The following WWP2 variants were observed in gnomAD, a reference collection of about 807,000 sequenced individuals.
WWP2 encodes WW domain containing E3 ubiquitin protein ligase 2.
A neutral mutation model predicts 121.0 loss-of-function variants in WWP2; 57 were observed. The ratio of observed to expected loss-of-function variants is 0.47; its 90% CI spans 0.38 to 0.59. WWP2 has a LOEUF of 0.59. Among genes scored for constraint, WWP2 ranks in the 20% least tolerant of loss-of-function variants. The pLI, the probability that WWP2 is intolerant of heterozygous loss-of-function variation, is 0.00. For synonymous variants in WWP2, 449 were observed against 441.3 expected (o/e 1.02, Z -0.22); for missense variants, 962 against 1,158.9 (o/e 0.83, Z 2.47).
chr16:69,908,642 C>CATGTCATCTTTGATGCTTCCTGTAAATTT, intron 8 of WWP2, 119 bp from the exon 9 acceptor site: 1 of 1,535,830 alleles, frequency 6.5e-7, no homozygotes, highest in East Asian at 2.3e-5. Context: ...GTCGGCCTCG[C>CATGTCATCTTTGATGCTTCCTGTAAATTT]ATGTCATCTT....
At chr16:69,923,507 A>C (rs1334362605) in intron 10 of WWP2, among the ~76,000 whole-genome samples, 1 of 152,146 alleles carries the variant, frequency 6.6e-6, no homozygotes, top group Non-Finnish European at 1.5e-5. Context: ...CTGTCAGTAA[A>C]GACCTTTTTG....
At position 69,929,470 on chromosome 16, in the gene WWP2, G is replaced by C; in HGVS notation, c.1257G>C (p.Arg419=). 1 of 1,614,124 alleles carries C rather than the reference G, an allele frequency of 6.2e-7. No individual in the cohort carries two copies. Among genetic ancestry groups the C allele is most frequent in the Non-Finnish European group, 8.5e-7 (1 of 1,179,992 alleles). The part of the protein sequence containing the change: ...PGWEKRQDNG[R]VYYVNHNTRT... ...CAGAGAAGAGACAGGACAATGGACG[G>C]GTGTATTACGTGAACCATAACACTC... The change falls in exon 12 of 24, where the codon CGG becomes CGC. Residue 419 remains arginine (R), a synonymous_variant. Coordinates refer to ENST00000359154, the MANE Select transcript of WWP2 (RefSeq NM_001270454.2).
chr16:69,856,558 C>T (rs1415427998), intron 6 of WWP2, among the ~76,000 whole-genome samples: 2 of 152,086 alleles, frequency 1.3e-5, no homozygotes, highest in East Asian at 1.9e-4. Flanking sequence ...GGGTGGATCA[C>T]GAGGTCGGGA....
At chr16:69,920,432 A>G (rs146574979) in intron 10 of WWP2, among the ~76,000 whole-genome samples, 237 of 152,214 alleles carry the variant, frequency 1.6e-3, no homozygotes, top group African/African-American at 5.5e-3. Flanking sequence ...ACCACATTTC[A>G]GAGATTGCTC....
chr16:69,932,456 G>A (rs192541099), intron 16 of WWP2, among the ~76,000 whole-genome samples: 10 of 152,374 alleles, frequency 6.6e-5, no homozygotes, highest in South Asian at 4.1e-4. Context: ...GTCATGAGGC[G>A]ACGGAGGACT....
intron 4 of WWP2, among the ~76,000 whole-genome samples, chr16:69,803,212 C>T (rs1233855456): frequency 6.6e-6 from 1 of 150,748 alleles, no homozygotes; most frequent in East Asian, 1.9e-4. Context: ...GCTCTGATCT[C>T]CTGGCCTCTC....
chr16:69,877,620 A>G (rs1432565778), intron 7 of WWP2, among the ~76,000 whole-genome samples: 1 of 151,744 alleles, frequency 6.6e-6, no homozygotes, highest in African/African-American at 2.4e-5. Flanking sequence ...TTGGCTTTCA[A>G]CCCACCTTCC....
rs1478418674 is a variant in WWP2 at position 69,940,123 on chromosome 16, C to T, written c.*183C>T. 16 of 595,586 alleles carry T rather than the reference C, an allele frequency of 2.7e-5. No homozygotes were observed. The highest frequency in any genetic ancestry group is 3.9e-5 in the Non-Finnish European group (13 of 337,440). The allele number at this position is 595,586 out of a possible 1,614,324, so 36.9% of individuals were successfully genotyped here. On this transcript the variant is annotated 3_prime_UTR_variant, in exon 24 of 24. Transcript: ENST00000359154. ...AGGAGGCCCTGCAGTTCCCCCGACC[C>T]GCGGATGGCAGTCTGGAATAAAGCC...
intron 4 of WWP2, among the ~76,000 whole-genome samples, chr16:69,813,330 T>C (rs1367852210): frequency 6.6e-6 from 1 of 152,122 alleles, no homozygotes; most frequent in African/African-American, 2.4e-5. Flanking sequence ...ACCCAGCTAA[T>C]TTTATATTTT....
At chr16:69,769,114 C>G (rs1247115577) in intron 1 of WWP2, among the ~76,000 whole-genome samples, 1 of 152,018 alleles carries the variant, frequency 6.6e-6, no homozygotes, top group Non-Finnish European at 1.5e-5. Flanking sequence ...GTCAGGAGAT[C>G]GAGACCATCC....
At chr16:69,795,719 C>G (rs967524111) in intron 2 of WWP2, among the ~76,000 whole-genome samples, 1 of 121,652 alleles carries the variant, frequency 8.2e-6, no homozygotes, top group African/African-American at 3.2e-5. Flanking sequence ...GTGGTCTCAG[C>G]TCACTGTAGC....
At chr16:69,858,482 C>G (rs998329498) in intron 6 of WWP2, among the ~76,000 whole-genome samples, 2 of 152,166 alleles carry the variant, frequency 1.3e-5, no homozygotes, top group African/African-American at 4.8e-5. Context: ...TCCTGAGATG[C>G]GATAATTTGA....
chr16:69,861,979 G>A (rs574917595), intron 6 of WWP2, among the ~76,000 whole-genome samples: 7 of 152,176 alleles, frequency 4.6e-5, no homozygotes, highest in Admixed American at 1.3e-4. Context: ...CCGCTTACCC[G>A]GATTGGAATG....
chr16:69,888,932 C>T (rs1056283855), intron 8 of WWP2, among the ~76,000 whole-genome samples: 1 of 152,170 alleles, frequency 6.6e-6, no homozygotes, highest in Non-Finnish European at 1.5e-5. Context: ...TCTCGAACTC[C>T]TGACCTCACA....
chr16:69,871,024 A>G (rs2057625869), intron 6 of WWP2, among the ~76,000 whole-genome samples: 1 of 152,072 alleles, frequency 6.6e-6, no homozygotes, highest in African/African-American at 2.4e-5. Flanking sequence ...AGTGGCTCAT[A>G]CTTGTAATCC....
chr16:69,767,591 A>G (rs912123632), intron 1 of WWP2, among the ~76,000 whole-genome samples: 15 of 152,232 alleles, frequency 9.9e-5, no homozygotes, highest in Admixed American at 2.6e-4. Flanking sequence ...ACACGTTGCA[A>G]GAAAGCAATG....
At chr16:69,803,101 C>CT (rs929436117) in intron 4 of WWP2, among the ~76,000 whole-genome samples, 9 of 150,120 alleles carry the variant, frequency 6.0e-5, no homozygotes, top group African/African-American at 1.7e-4. Context: ...AAAAAAAAGC[C>CT]TTTTTTTTTC....
chr16:69,893,094 C>G (rs1271993043), intron 8 of WWP2, among the ~76,000 whole-genome samples: 1 of 152,250 alleles, frequency 6.6e-6, no homozygotes. Flanking sequence ...ATGCTGGTCA[C>G]TCTTTCTGAA....
intron 2 of WWP2, among the ~76,000 whole-genome samples, chr16:69,793,069 T>A (rs892052052): frequency 6.6e-6 from 1 of 152,058 alleles, no homozygotes; most frequent in African/African-American, 2.4e-5. Flanking sequence ...ATAAAATAAA[T>A]TCACTGCTGG....
Sources: gnomAD v4.1 joint callset for allele counts (sites outside exome capture counted in the v4.1 genomes callset) on GRCh38, gnomAD v4.1.1 for gene constraint, MANE v1.5 for transcripts, NCBI Gene and HGNC (gene_info 2026-07-23, HGNC 2026-07-21) for gene names.